Variants in LHFPL1 observed in about 807,000 individuals in gnomAD.
LHFPL1 encodes LHFPL tetraspan subfamily member 1 protein.
Under a neutral mutation model 12.1 loss-of-function variants are expected in LHFPL1, and 4 were observed. The observed-to-expected ratio is 0.33, with a 90% confidence interval of 0.16 to 0.76. The LOEUF is 0.76. Ranked by LOEUF, LHFPL1 falls within the 30% of genes least tolerant of loss-of-function variation. The pLI, the probability that LHFPL1 is intolerant of heterozygous loss-of-function variation, is 0.61. For missense variants in LHFPL1, 141 were observed against 174.1 expected (o/e 0.81, Z 1.07); for synonymous variants, 52 against 61.9 (o/e 0.84, Z 0.75).
chrX:112,634,808 T>A lies in LHFPL1; in HGVS notation c.482-3207A>T, dbSNP rs764830298. Among the ~76,000 whole-genome samples the A allele has an allele frequency of 1.2e-3, 137 of 111,206 alleles. 2 individuals carry two copies. Among genetic ancestry groups the A allele is most frequent in the African/African-American group, 4.3e-3 (132 of 30,593 alleles). ...CTTGTGAATTCCCTCTCACAGAAATTTCTGTTAGACCTCTGAAGGCATCTA... is the reference window on the plus strand; with the variant it reads ...CTTGTGAATTCCCTCTCACAGAAATATCTGTTAGACCTCTGAAGGCATCTA... On this transcript the variant is annotated intron_variant, in intron 3 of 3. Transcript: ENST00000371968.
chrX:112,671,961 G>A (rs773030108), intron 1 of LHFPL1, among the ~76,000 whole-genome samples: 4 of 111,658 alleles, frequency 3.6e-5, no homozygotes, highest in Non-Finnish European at 7.5e-5. Context: ...CAGAGTTACA[G>A]GTTGTTCCCA....
intron 3 of LHFPL1, among the ~76,000 whole-genome samples, chrX:112,641,212 A>G (rs751490069): frequency 5.0e-4 from 56 of 112,095 alleles, no homozygotes; most frequent in Non-Finnish European, 1.0e-3. Context: ...AAATGCCACA[A>G]ATAATACCAC....
chrX:112,676,412 G>A (rs1931655129), intron 1 of LHFPL1, among the ~76,000 whole-genome samples: 1 of 111,730 alleles, frequency 9.0e-6, no homozygotes, highest in Non-Finnish European at 1.9e-5. Flanking sequence ...TGATAGGATT[G>A]CAGTTGAACC....
chrX:112,650,702 G>C (rs1930829676), intron 3 of LHFPL1, among the ~76,000 whole-genome samples: 2 of 111,447 alleles, frequency 1.8e-5, no homozygotes, highest in South Asian at 7.7e-4. Context: ...CTCAAGTCGT[G>C]CTGTCCAATA....
At chrX:112,673,101 A>G (rs995881553) in intron 1 of LHFPL1, among the ~76,000 whole-genome samples, 1 of 112,044 alleles carries the variant, frequency 8.9e-6, no homozygotes, top group Middle Eastern at 4.6e-3. Context: ...GTGAAGGGCT[A>G]GTGAGGTACA....
chrX:112,659,171 A>G (rs1931100525), intron 3 of LHFPL1, among the ~76,000 whole-genome samples: 1 of 111,704 alleles, frequency 9.0e-6, no homozygotes, highest in Non-Finnish European at 1.9e-5. Flanking sequence ...GCTGATGAAA[A>G]TGTTCTGGGG....
chrX:112,653,066 G>C (rs1930899275), intron 3 of LHFPL1, among the ~76,000 whole-genome samples: 1 of 111,981 alleles, frequency 8.9e-6, no homozygotes, highest in African/African-American at 3.2e-5. Flanking sequence ...AGCTGAGTGA[G>C]TGAACTTAGG....
chrX:112,675,680 TG>T (rs1931636417), intron 1 of LHFPL1, among the ~76,000 whole-genome samples: 1 of 111,622 alleles, frequency 9.0e-6, no homozygotes, highest in South Asian at 3.8e-4. Flanking sequence ...AGGGGTTTCC[TG>T]GGATGTGGAA....
intron 3 of LHFPL1, among the ~76,000 whole-genome samples, chrX:112,638,391 G>A (rs991458700): frequency 9.0e-6 from 1 of 111,435 alleles, no homozygotes; most frequent in African/African-American, 3.3e-5. Context: ...GCTTTCACAG[G>A]CTTCCACATA....
intron 3 of LHFPL1, among the ~76,000 whole-genome samples, chrX:112,658,255 C>T (rs2147717347): frequency 9.1e-6 from 1 of 109,610 alleles, no homozygotes; most frequent in South Asian, 4.0e-4. Context: ...GAAACCCCAT[C>T]TCTCCTAAAA....
chrX:112,643,880 A>G (rs1288906564), intron 3 of LHFPL1, among the ~76,000 whole-genome samples: 3 of 111,966 alleles, frequency 2.7e-5, no homozygotes, highest in Non-Finnish European at 1.9e-5. Flanking sequence ...TCCTGTCACA[A>G]ACTTAACCTC....
At chrX:112,657,758 T>A (rs1474114025) in intron 3 of LHFPL1, among the ~76,000 whole-genome samples, 1 of 110,868 alleles carries the variant, frequency 9.0e-6, no homozygotes, top group Admixed American at 9.6e-5. Context: ...TGGACCTATA[T>A]CTCATACCAC....
intron 3 of LHFPL1, among the ~76,000 whole-genome samples, chrX:112,649,519 C>T (rs1282728091): frequency 8.9e-6 from 1 of 111,922 alleles, no homozygotes; most frequent in Non-Finnish European, 1.9e-5. Flanking sequence ...TTATGGTTTC[C>T]TGGATTACTT....
intron 3 of LHFPL1, among the ~76,000 whole-genome samples, chrX:112,638,446 C>A (rs138679141): frequency 0.02 from 2,180 of 110,969 alleles, 40 homozygotes; most frequent in East Asian, 0.13. Context: ...AAAACCTCAG[C>A]TACAGAGAAG....
chrX:112,669,753 C>T (rs1243533293), intron 2 of LHFPL1, among the ~76,000 whole-genome samples: 1 of 111,902 alleles, frequency 8.9e-6, no homozygotes, highest in African/African-American at 3.2e-5. Context: ...CATCCCTCAC[C>T]TTCACCCACT....
At chrX:112,655,673 C>A (rs1930978091) in intron 3 of LHFPL1, among the ~76,000 whole-genome samples, 1 of 111,470 alleles carries the variant, frequency 9.0e-6, no homozygotes, top group African/African-American at 3.3e-5. Context: ...TCTTTTTTGG[C>A]TCTGTGTATC....
chrX:112,643,205 C>G (rs1377806754), intron 3 of LHFPL1, among the ~76,000 whole-genome samples: 1 of 107,575 alleles, frequency 9.3e-6, no homozygotes, highest in Admixed American at 1.0e-4. Flanking sequence ...ATGGTGAAAC[C>G]CTGTCTCTAC....
At chrX:112,655,316 G>A (rs1300365601) in intron 3 of LHFPL1, among the ~76,000 whole-genome samples, 1 of 112,079 alleles carries the variant, frequency 8.9e-6, no homozygotes, top group African/African-American at 3.2e-5. Flanking sequence ...GCTTCTCTAT[G>A]GGAAAAGTAT....
intron 2 of LHFPL1, among the ~76,000 whole-genome samples, chrX:112,669,174 G>A (rs1293076047): frequency 8.9e-6 from 1 of 112,755 alleles, no homozygotes; most frequent in Non-Finnish European, 1.9e-5. Context: ...GCCAGGCACG[G>A]AACTGGGCTC....
Sources: allele counts gnomAD v4.1 joint callset (sites outside exome capture counted in the v4.1 genomes callset), GRCh38; gene constraint gnomAD v4.1.1; transcripts MANE v1.5; gene names NCBI Gene and HGNC (gene_info 2026-07-23, HGNC 2026-07-21).